The following MRPL13 variants were observed in gnomAD, a reference collection of about 807,000 sequenced individuals.
MRPL13 encodes large ribosomal subunit protein uL13m.
In MRPL13, 33 loss-of-function variants were observed where a neutral mutation model predicts 29.0. That is an observed-to-expected ratio of 1.14 (90% confidence interval 0.86 to 1.52). The LOEUF (loss-of-function observed/expected upper bound fraction) is 1.52, where lower values mean the gene tolerates loss of function less well. Among genes scored for constraint, MRPL13 ranks in the 40% most tolerant of loss-of-function variants. MRPL13 has a pLI of 0.00. For synonymous variants in MRPL13, 77 were observed against 68.4 expected (o/e 1.13, Z -0.62); for missense variants, 227 against 216.7 (o/e 1.05, Z -0.30).
intron 5 of MRPL13, among the ~76,000 whole-genome samples, chr8:120,416,488 C>T (rs1292745060): frequency 2.0e-5 from 3 of 151,892 alleles, no homozygotes; most frequent in Non-Finnish European, 2.9e-5. Context: ...AGCGAGACTC[C>T]GTCTCAAAAT....
chr8:120,424,154 G>A (rs1009289578), intron 4 of MRPL13, among the ~76,000 whole-genome samples: 1 of 152,086 alleles, frequency 6.6e-6, no homozygotes, highest in African/African-American at 2.4e-5. Context: ...AGCTAATGTA[G>A]CTATATTAAT....
chr8:120,413,394 G>A (rs1812763595), intron 6 of MRPL13, among the ~76,000 whole-genome samples: 1 of 152,022 alleles, frequency 6.6e-6, no homozygotes, highest in South Asian at 2.1e-4. Flanking sequence ...CATAATGAGA[G>A]CCTAACCCGG....
intron 2 of MRPL13, among the ~76,000 whole-genome samples, chr8:120,436,745 G>T (rs1369298199): frequency 1.3e-5 from 2 of 152,122 alleles, no homozygotes; most frequent in African/African-American, 4.8e-5. Flanking sequence ...CTTCAACTAG[G>T]ACAGTACTGC....
At chr8:120,400,737 T>TAAA (rs1439338950) in intron 6 of MRPL13, among the ~76,000 whole-genome samples, 48 of 140,132 alleles carry the variant, frequency 3.4e-4, no homozygotes, top group African/African-American at 1.3e-3. Context: ...AATAAATAAA[T>TAAA]AAATAAAAAA....
chr8:120,397,171 T>C (rs1453874347), intron 6 of MRPL13, among the ~76,000 whole-genome samples: 1 of 152,126 alleles, frequency 6.6e-6, no homozygotes, highest in Non-Finnish European at 1.5e-5. Flanking sequence ...GATCAGGAGA[T>C]ACCCTCGTGA....
At chr8:120,403,547 G>A (rs971301040) in intron 6 of MRPL13, among the ~76,000 whole-genome samples, 1 of 152,072 alleles carries the variant, frequency 6.6e-6, no homozygotes, top group African/African-American at 2.4e-5. Flanking sequence ...CTGGAGATGG[G>A]TTGATCTGTG....
chr8:120,425,336 A>C lies in MRPL13; in HGVS notation c.276T>G (p.Ala92=), dbSNP rs919320798. 6.2e-7 allele frequency: 1 copy of C among 1,612,880 alleles called. No homozygotes were observed. The highest frequency in any genetic ancestry group is 8.5e-7 in the Non-Finnish European group (1 of 1,179,274). ...GYPGGFRQVT[A]AQLHLRDPVA... The stretch of plus-strand genomic sequence containing the variant: ...CTGGATCCCTCAGGTGAAGCTGAGC[A>C]GCTGTTACTTGTCTAAATCCACCTG... Residue 92 remains alanine, a synonymous_variant, in exon 4 of 7, where the codon GCT becomes GCG. Coordinates refer to ENST00000306185, the MANE Select transcript of MRPL13 (RefSeq NM_014078.6).
chr8:120,430,316 AT>A (rs1812983454), intron 3 of MRPL13, among the ~76,000 whole-genome samples: 2 of 152,144 alleles, frequency 1.3e-5, no homozygotes, highest in Non-Finnish European at 2.9e-5. Flanking sequence ...ATCCATAGAT[AT>A]GGAGGGCTGA....
rs1813186743 is a variant in MRPL13 at position 120,444,971 on chromosome 8, C to A, written c.27+97G>T. ...ACCTCTTGGCCGAGGGTCTCGGCTTCCCTGCCGCCCCAGCTTCACTACTTA... is the reference window on the plus strand; with the variant it reads ...ACCTCTTGGCCGAGGGTCTCGGCTTACCTGCCGCCCCAGCTTCACTACTTA... On this transcript the variant is annotated intron_variant, in intron 1 of 6. Transcript: ENST00000306185. 3 of 1,558,364 alleles carry A rather than the reference C, an allele frequency of 1.9e-6. No homozygotes were observed. In the East Asian group the frequency reaches 6.8e-5, roughly 35 times the overall value.
In MRPL13 at chr8:120,396,063, T is replaced by C; in HGVS notation, c.*41A>G. Reference sequence around the variant, plus strand: ...GTTAGAGAAACTCATCAGAAGAAAGTTTCAATCACTTCACTGTTATTTTCT... The same window carrying C: ...GTTAGAGAAACTCATCAGAAGAAAGCTTCAATCACTTCACTGTTATTTTCT... On this transcript the variant is annotated 3_prime_UTR_variant, in exon 7 of 7. Coordinates refer to ENST00000306185, the MANE Select transcript of MRPL13 (RefSeq NM_014078.6). The C allele has an allele frequency of 6.5e-7, 1 of 1,544,520 alleles. No individual in the cohort carries two copies. Among genetic ancestry groups the C allele is most frequent in the Non-Finnish European group, 8.8e-7 (1 of 1,130,338 alleles).
chr8:120,437,456 C>T (rs1300663527), intron 2 of MRPL13, among the ~76,000 whole-genome samples: 1 of 152,144 alleles, frequency 6.6e-6, no homozygotes, highest in Non-Finnish European at 1.5e-5. Context: ...TTAAATACTC[C>T]TATAGTCCTC....
chr8:120,442,094 A>G (rs1188149577), intron 2 of MRPL13, among the ~76,000 whole-genome samples: 1 of 152,230 alleles, frequency 6.6e-6, no homozygotes, highest in African/African-American at 2.4e-5. Context: ...GTAAAGGCCA[A>G]TAAGTGGTAA....
chr8:120,412,756 T>C (rs1812754067), intron 6 of MRPL13, among the ~76,000 whole-genome samples: 1 of 152,284 alleles, frequency 6.6e-6, no homozygotes, highest in East Asian at 1.9e-4. Context: ...AACCAGACAA[T>C]GTCCCTGCCC....
chr8:120,443,935 G>A (rs960282964), intron 1 of MRPL13, among the ~76,000 whole-genome samples: 1 of 152,100 alleles, frequency 6.6e-6, no homozygotes, highest in Non-Finnish European at 1.5e-5. Context: ...CGTCATCAAT[G>A]TATTCAAATT....
intron 3 of MRPL13, among the ~76,000 whole-genome samples, chr8:120,430,411 A>G (rs1318201087): frequency 6.6e-6 from 1 of 152,190 alleles, no homozygotes. Flanking sequence ...TAAAATTAGT[A>G]TGTCCTAAAA....
At chr8:120,439,288 T>A (rs1157697233) in intron 2 of MRPL13, among the ~76,000 whole-genome samples, 2 of 152,210 alleles carry the variant, frequency 1.3e-5, no homozygotes, top group African/African-American at 2.4e-5. Flanking sequence ...GTTTAAAATA[T>A]CCCCCAAGCT....
At chr8:120,403,213 G>A (rs193289582) in intron 6 of MRPL13, among the ~76,000 whole-genome samples, 61 of 152,234 alleles carry the variant, frequency 4.0e-4, no homozygotes, top group African/African-American at 1.4e-3. Context: ...GTTCATTGCA[G>A]CACTATTCAC....
At chr8:120,434,022 A>T (rs1039880300) in intron 2 of MRPL13, among the ~76,000 whole-genome samples, 2 of 152,116 alleles carry the variant, frequency 1.3e-5, no homozygotes, top group Non-Finnish European at 2.9e-5. Context: ...AAAAATTCTA[A>T]CCTTAAACTT....
At chr8:120,402,035 T>C (rs557508873) in intron 6 of MRPL13, among the ~76,000 whole-genome samples, 1 of 152,318 alleles carries the variant, frequency 6.6e-6, no homozygotes, top group East Asian at 1.9e-4. Context: ...TCCATGCTCA[T>C]GGATAGGAAG....
Sources: allele counts gnomAD v4.1 joint callset (sites outside exome capture counted in the v4.1 genomes callset), GRCh38; gene constraint gnomAD v4.1.1; transcripts MANE v1.5; gene names NCBI Gene and HGNC (gene_info 2026-07-23, HGNC 2026-07-21).